Variants in TNFSF4 observed in about 807,000 individuals in gnomAD.
The protein encoded by TNFSF4 is TNF superfamily member 4.
Under a neutral mutation model 7.3 loss-of-function variants are expected in TNFSF4, and 4 were observed. The ratio of observed to expected loss-of-function variants is 0.55; its 90% confidence interval spans 0.27 to 1.25. TNFSF4 has a LOEUF of 1.25. Among genes scored for constraint, TNFSF4 ranks in the 50% most tolerant of loss-of-function variants. TNFSF4 has a pLI of 0.12. For missense variants in TNFSF4, 181 were observed against 208.8 expected (o/e 0.87, Z 0.82); for synonymous variants, 76 against 83.7 (o/e 0.91, Z 0.50).
chr1:173,380,043 TG>T, the TNFSF4 span, among the ~76,000 whole-genome samples: 1 of 152,174 alleles, frequency 6.6e-6, no homozygotes, highest in Non-Finnish European at 1.5e-5. Flanking sequence ...GCCAGGAAAT[TG>T]ACTTCCTCCT....
chr1:173,256,269 A>C, the TNFSF4 span, among the ~76,000 whole-genome samples: 1 of 152,290 alleles, frequency 6.6e-6, no homozygotes, highest in African/African-American at 2.4e-5. Context: ...GATTTAAACA[A>C]CAGAAATTTA....
chr1:173,349,624 ACT>A, the TNFSF4 span, among the ~76,000 whole-genome samples: 1 of 152,094 alleles, frequency 6.6e-6, no homozygotes, highest in African/African-American at 2.4e-5. Flanking sequence ...AACTCAAAAG[ACT>A]CTATATAAAT....
At chr1:173,408,652 T>C in the TNFSF4 span, among the ~76,000 whole-genome samples, 3,112 of 151,748 alleles carry the variant, frequency 0.021, 116 homozygotes, top group African/African-American at 0.072. Flanking sequence ...TGGAGTGCAG[T>C]GGCTCGATCA....
the TNFSF4 span, among the ~76,000 whole-genome samples, chr1:173,225,902 A>G: frequency 6.6e-6 from 1 of 152,192 alleles, no homozygotes; most frequent in Non-Finnish European, 1.5e-5. Flanking sequence ...AAGGAGAAAT[A>G]AGAATTTTTC....
the TNFSF4 span, among the ~76,000 whole-genome samples, chr1:173,372,295 G>A: frequency 6.6e-6 from 1 of 151,470 alleles, no homozygotes; most frequent in African/African-American, 2.5e-5. Context: ...AAGATGGCCA[G>A]GCCACTCCAT....
chr1:173,352,192 C>T, the TNFSF4 span, among the ~76,000 whole-genome samples: 1 of 152,160 alleles, frequency 6.6e-6, no homozygotes, highest in Non-Finnish European at 1.5e-5. Context: ...GGATGCAGCC[C>T]TGCCAGTGCT....
At chr1:173,329,899 T>C in the TNFSF4 span, among the ~76,000 whole-genome samples, 3 of 152,134 alleles carry the variant, frequency 2.0e-5, no homozygotes, top group African/African-American at 4.8e-5. Context: ...ATGCACTTCC[T>C]TAAAAATGCC....
chr1:173,315,657 A>C, the TNFSF4 span, among the ~76,000 whole-genome samples: 1 of 152,198 alleles, frequency 6.6e-6, no homozygotes, highest in East Asian at 1.9e-4. Context: ...TTCTAAGAGC[A>C]GGAAAGATAC....
At chr1:173,404,942 T>A in the TNFSF4 span, among the ~76,000 whole-genome samples, 1 of 152,106 alleles carries the variant, frequency 6.6e-6, no homozygotes, top group East Asian at 1.9e-4. Flanking sequence ...CTGACTGCCC[T>A]CTTTTAAACT....
the TNFSF4 span, among the ~76,000 whole-genome samples, chr1:173,412,109 C>T: frequency 1.5e-4 from 18 of 122,746 alleles, no homozygotes; most frequent in South Asian, 5.3e-3. Flanking sequence ...AGCAAGATTC[C>T]ATCTCAAGAA....
intron 1 of TNFSF4, among the ~76,000 whole-genome samples, chr1:173,200,982 G>A (rs1649919006): frequency 6.6e-6 from 1 of 152,172 alleles, no homozygotes; most frequent in South Asian, 2.1e-4. Context: ...AGAATGAAAG[G>A]CCTACTGAAA....
chr1:173,279,525 T>C, the TNFSF4 span, among the ~76,000 whole-genome samples: 1 of 152,102 alleles, frequency 6.6e-6, no homozygotes, highest in East Asian at 1.9e-4. Flanking sequence ...TAAGCTCCAC[T>C]TGAGTAGCCA....
At chr1:173,271,182 C>T in the TNFSF4 span, among the ~76,000 whole-genome samples, 1 of 152,024 alleles carries the variant, frequency 6.6e-6, no homozygotes, top group Non-Finnish European at 1.5e-5. Flanking sequence ...CTTTTGTTGC[C>T]ATTGCTTTTG....
At chr1:173,203,415 A>AATGCCTTTG in intron 1 of TNFSF4, among the ~76,000 whole-genome samples, 1 of 152,370 alleles carries the variant, frequency 6.6e-6, no homozygotes, top group East Asian at 1.9e-4. Context: ...AGCAAATTCA[A>AATGCCTTTG]ATGCCTTTGA....
chr1:173,362,979 A>G, the TNFSF4 span: 949 of 360,904 alleles, frequency 2.6e-3, 9 homozygotes, highest in African/African-American at 0.019. Context: ...CTTTTTTTAA[A>G]ATTCTTCTTG....
the TNFSF4 span, among the ~76,000 whole-genome samples, chr1:173,374,034 A>G: frequency 6.6e-6 from 1 of 152,160 alleles, no homozygotes; most frequent in Non-Finnish European, 1.5e-5. Context: ...AACACTCAAG[A>G]GGCACTTAAG....
At chr1:173,282,217 A>G in the TNFSF4 span, among the ~76,000 whole-genome samples, 4 of 152,288 alleles carry the variant, frequency 2.6e-5, no homozygotes, top group African/African-American at 7.2e-5. Context: ...AAACAAAGAA[A>G]CGATAAATGT....
chr1:173,205,276 C>T, intron 1 of TNFSF4: 1 of 1,610,566 alleles, frequency 6.2e-7, no homozygotes. Context: ...TGTGCCAGGA[C>T]TATAGAAGCT....
the TNFSF4 span, among the ~76,000 whole-genome samples, chr1:173,249,038 G>A: frequency 6.6e-6 from 1 of 152,154 alleles, no homozygotes; most frequent in Admixed American, 6.5e-5. Flanking sequence ...AGGTAAGAAA[G>A]GTAAATACGC....
Sources: gnomAD v4.1 joint callset for allele counts (sites outside exome capture counted in the v4.1 genomes callset) on GRCh38, gnomAD v4.1.1 for gene constraint, MANE v1.5 for transcripts, NCBI Gene and HGNC (gene_info 2026-07-23, HGNC 2026-07-21) for gene names.